The following EPHA5 variants were observed in gnomAD, a reference collection of about 807,000 sequenced individuals.
The protein encoded by EPHA5 is ephrin type-A receptor 5.
Under a neutral mutation model 105.0 loss-of-function variants are expected in EPHA5, and 60 were observed. The ratio of observed to expected loss-of-function variants is 0.57; its 90% CI spans 0.46 to 0.71. The LOEUF (loss-of-function observed/expected upper bound fraction) is 0.71. EPHA5 is among the 30% of genes least tolerant of loss of function. The pLI is 0.00. For missense variants in EPHA5, 1,218 were observed against 1,274.7 expected, an observed-to-expected ratio of 0.96 and a Z score of 0.68; for synonymous variants, 513 against 449.1, an observed-to-expected ratio of 1.14 and a Z score of -1.80.
intron 5 of EPHA5, among the ~76,000 whole-genome samples, chr4:65,452,834 T>A (rs1485471505): frequency 6.6e-6 from 1 of 152,164 alleles, no homozygotes; most frequent in East Asian, 1.9e-4. Flanking sequence ...CTATTTAGCA[T>A]CTTTAACACT....
chr4:65,544,136 T>C (rs1322247442), intron 3 of EPHA5, among the ~76,000 whole-genome samples: 3 of 152,086 alleles, frequency 2.0e-5, no homozygotes, highest in Non-Finnish European at 1.5e-5. Context: ...GAAAAAACCC[T>C]AGGCAATACC....
intron 1 of EPHA5, among the ~76,000 whole-genome samples, chr4:65,651,380 G>A (rs1287997397): frequency 1.3e-5 from 2 of 152,164 alleles, no homozygotes; most frequent in Non-Finnish European, 2.9e-5. Context: ...TGAAGAGGAA[G>A]ACATACTAAC....
intron 5 of EPHA5, among the ~76,000 whole-genome samples, chr4:65,486,209 C>G (rs147152184): frequency 2.5e-3 from 384 of 152,202 alleles, no homozygotes; most frequent in African/African-American, 8.6e-3. Context: ...CCCCAGAGGT[C>G]AGAGAAAATT....
At chr4:65,487,871 ACT>A (rs945843124) in intron 5 of EPHA5, among the ~76,000 whole-genome samples, 5 of 152,004 alleles carry the variant, frequency 3.3e-5, no homozygotes, top group African/African-American at 9.7e-5. Context: ...TGATCAATTG[ACT>A]CTCTCTGGGG....
At chr4:65,585,584 A>T (rs899791907) in intron 3 of EPHA5, among the ~76,000 whole-genome samples, 21 of 152,082 alleles carry the variant, frequency 1.4e-4, no homozygotes, top group African/African-American at 5.1e-4. Flanking sequence ...ATAAAACAAC[A>T]TCTTTTTGTT....
intron 8 of EPHA5, among the ~76,000 whole-genome samples, chr4:65,368,749 T>G (rs1384477701): frequency 1.3e-5 from 2 of 152,180 alleles, no homozygotes; most frequent in Admixed American, 1.3e-4. Context: ...GATTCCTAAA[T>G]GTAGCCCTAA....
At chr4:65,577,163 C>A (rs1233659806) in intron 3 of EPHA5, among the ~76,000 whole-genome samples, 2 of 152,110 alleles carry the variant, frequency 1.3e-5, no homozygotes, top group Non-Finnish European at 2.9e-5. Context: ...TCTTTGGATA[C>A]AGAATTACAT....
intron 2 of EPHA5, among the ~76,000 whole-genome samples, chr4:65,621,614 AG>A (rs1408536032): frequency 6.6e-6 from 1 of 152,144 alleles, no homozygotes; most frequent in Non-Finnish European, 1.5e-5. Flanking sequence ...CCAACATCAA[AG>A]TAAGGTGTGT....
At chr4:65,546,377 T>G (rs1348414922) in intron 3 of EPHA5, among the ~76,000 whole-genome samples, 2 of 152,006 alleles carry the variant, frequency 1.3e-5, no homozygotes, top group African/African-American at 2.4e-5. Context: ...AAAAAATATG[T>G]TAATATTTGA....
At chr4:65,426,665 A>G (rs1560524989) in intron 5 of EPHA5, among the ~76,000 whole-genome samples, 2 of 152,150 alleles carry the variant, frequency 1.3e-5, no homozygotes, top group Non-Finnish European at 2.9e-5. Context: ...TAAAGGATAT[A>G]TAGCACATGG....
At chr4:65,436,315 C>T (rs573124277) in intron 5 of EPHA5, among the ~76,000 whole-genome samples, 59 of 151,890 alleles carry the variant, frequency 3.9e-4, no homozygotes, top group Middle Eastern at 3.4e-3. Context: ...TCCTAATCAA[C>T]TACTATCAAG....
chr4:65,368,619 C>G (rs1325739731), intron 8 of EPHA5, among the ~76,000 whole-genome samples: 1 of 152,172 alleles, frequency 6.6e-6, no homozygotes, highest in African/African-American at 2.4e-5. Flanking sequence ...TGCTCCTCCA[C>G]TCTGTAACTC....
intron 5 of EPHA5, among the ~76,000 whole-genome samples, chr4:65,482,293 A>T (rs1006282002): frequency 1.3e-5 from 2 of 151,048 alleles, no homozygotes; most frequent in Admixed American, 1.3e-4. Context: ...AACAAGATAA[A>T]AAAAAAAAAA....
chr4:65,331,815 C>A, intron 16 of EPHA5, 158 bp downstream of exon 16: 1 of 1,312,626 alleles, frequency 7.6e-7, no homozygotes, highest in African/African-American at 1.5e-5. Flanking sequence ...ATTAACCATG[C>A]AGTTGTTAAC....
intron 3 of EPHA5, among the ~76,000 whole-genome samples, chr4:65,580,862 A>G (rs1741548231): frequency 6.6e-6 from 1 of 151,560 alleles, no homozygotes; most frequent in Non-Finnish European, 1.5e-5. Context: ...ACAATGTGTT[A>G]AAGACATATT....
chr4:65,549,540 GT>G (rs1737694155), intron 3 of EPHA5, among the ~76,000 whole-genome samples: 1 of 37,530 alleles, frequency 2.7e-5, no homozygotes, highest in African/African-American at 8.2e-5. Context: ...GGTATCAAGT[GT>G]TCTAAGTTGA....
At chr4:65,536,299 A>G (rs1420444097) in intron 3 of EPHA5, among the ~76,000 whole-genome samples, 4 of 151,992 alleles carry the variant, frequency 2.6e-5, no homozygotes, top group Non-Finnish European at 4.4e-5. Flanking sequence ...CCTTCCTTCA[A>G]GTATGACAGG....
At chr4:65,557,382 A>G (rs1738565669) in intron 3 of EPHA5, among the ~76,000 whole-genome samples, 1 of 151,376 alleles carries the variant, frequency 6.6e-6, no homozygotes, top group African/African-American at 2.4e-5. Flanking sequence ...TTAGTTAAAT[A>G]CTTTTTCCAA....
chr4:65,522,315 T>TATATATATATAC (rs1560643397), intron 3 of EPHA5, among the ~76,000 whole-genome samples: 2 of 86,450 alleles, frequency 2.3e-5, no homozygotes, highest in African/African-American at 8.2e-5. Flanking sequence ...TATATATATA[T>TATATATATATAC]GTATATATAT....
Sources: allele counts gnomAD v4.1 joint callset (sites outside exome capture counted in the v4.1 genomes callset), GRCh38; gene constraint gnomAD v4.1.1; transcripts MANE v1.5; gene names NCBI Gene and HGNC (gene_info 2026-07-23, HGNC 2026-07-21).